SLIT3: variants seen among roughly 807,000 people sequenced by gnomAD.
SLIT3 encodes slit guidance ligand 3.
A neutral mutation model predicts 184.0 loss-of-function variants in SLIT3; 68 were observed. The observed-to-expected ratio is 0.37, with a 90% CI of 0.30 to 0.45. The LOEUF (loss-of-function observed/expected upper bound fraction) is 0.45. Among genes scored for constraint, SLIT3 ranks in the 20% least tolerant of loss-of-function variants. SLIT3 has a pLI of 1.00. For missense variants in SLIT3, 1,707 were observed against 2,026.0 expected, an observed-to-expected ratio of 0.84 and a Z score of 3.02; for synonymous variants, 831 against 828.6, an observed-to-expected ratio of 1.00 and a Z score of -0.05.
At chr5:169,196,060 AG>A (rs1469734304) in intron 3 of SLIT3, among the ~76,000 whole-genome samples, 1 of 151,850 alleles carries the variant, frequency 6.6e-6, no homozygotes, top group Non-Finnish European at 1.5e-5. Context: ...TCCTTCTCCC[AG>A]CCCCTGGCAA....
intron 4 of SLIT3, among the ~76,000 whole-genome samples, chr5:169,172,894 G>A (rs187912109): frequency 2.0e-5 from 3 of 152,288 alleles, no homozygotes; most frequent in Admixed American, 2.0e-4. Context: ...GTTTGCTGGG[G>A]AAGCTAGAGC....
chr5:168,810,366 C>T (rs1757120966), intron 8 of SLIT3, among the ~76,000 whole-genome samples: 1 of 152,220 alleles, frequency 6.6e-6, no homozygotes, highest in Admixed American at 6.5e-5. Flanking sequence ...AGCCTATGTA[C>T]TGGCAAGGAA....
intron 2 of SLIT3, among the ~76,000 whole-genome samples, chr5:169,247,421 AT>A: frequency 6.6e-6 from 1 of 152,168 alleles, no homozygotes; most frequent in South Asian, 2.1e-4. Flanking sequence ...TGTAGTCATT[AT>A]TTCCTTGCTG....
At position 168,706,149 on chromosome 5, in the gene SLIT3, C is replaced by A. The variant is rs139401754; in HGVS notation, c.2844+1827G>T. Among the ~76,000 whole-genome samples the A allele has an allele frequency of 1.4e-4, 21 of 152,284 alleles. No homozygotes were observed. The East Asian group carries it at 3.3e-3, about 24-fold the overall frequency. On this transcript the variant is annotated intron_variant, in intron 26 of 35. Coordinates refer to ENST00000519560, the MANE Select transcript of SLIT3 (RefSeq NM_003062.4). ...TGTTACTGATGGCCTATTCCACACC[C>A]AGGTATGAGGGACCACCATGCAAGG...
At chr5:169,224,241 A>G (rs1185873740) in intron 3 of SLIT3, among the ~76,000 whole-genome samples, 2 of 152,210 alleles carry the variant, frequency 1.3e-5, no homozygotes, top group African/African-American at 2.4e-5. Flanking sequence ...CAGGCATACA[A>G]TAGGATATCA....
chr5:169,271,310 C>A (rs1285750600), intron 1 of SLIT3, among the ~76,000 whole-genome samples: 1 of 152,288 alleles, frequency 6.6e-6, no homozygotes, highest in East Asian at 1.9e-4. Context: ...CCCATGCCTG[C>A]CTTTCTCCCA....
intron 4 of SLIT3, among the ~76,000 whole-genome samples, chr5:169,176,215 G>T (rs2113429812): frequency 1.3e-5 from 2 of 152,268 alleles, no homozygotes; most frequent in East Asian, 3.9e-4. Flanking sequence ...TGCAGAGAGA[G>T]GGAAGGCCTG....
chr5:168,758,269 A>C (rs1169577792), intron 16 of SLIT3, among the ~76,000 whole-genome samples: 1 of 152,206 alleles, frequency 6.6e-6, no homozygotes, highest in Admixed American at 6.5e-5. Flanking sequence ...CTCTACACTC[A>C]TGTTCCTATC....
At chr5:169,194,468 T>C (rs551461886) in intron 3 of SLIT3, among the ~76,000 whole-genome samples, 4 of 152,242 alleles carry the variant, frequency 2.6e-5, no homozygotes, top group African/African-American at 9.6e-5. Context: ...TCCTTGGCAA[T>C]TTTGCCTTTG....
At chr5:168,826,714 G>C (rs1442191618) in intron 6 of SLIT3, among the ~76,000 whole-genome samples, 1 of 152,174 alleles carries the variant, frequency 6.6e-6, no homozygotes, top group Non-Finnish European at 1.5e-5. Flanking sequence ...TTAACTGAGA[G>C]CTTATTATAT....
At chr5:169,188,706 A>C (rs297892) in intron 4 of SLIT3, among the ~76,000 whole-genome samples, 1 of 152,010 alleles carries the variant, frequency 6.6e-6, no homozygotes, top group Non-Finnish European at 1.5e-5. Flanking sequence ...GCCATCTTCC[A>C]TGGAGCATTT....
chr5:168,839,831 C>G (rs1032958314), intron 6 of SLIT3, among the ~76,000 whole-genome samples: 1 of 152,166 alleles, frequency 6.6e-6, no homozygotes, highest in African/African-American at 2.4e-5. Flanking sequence ...CCAATGCGGA[C>G]AGAAACACGG....
At chr5:169,056,812 C>A (rs992409880) in intron 4 of SLIT3, among the ~76,000 whole-genome samples, 1 of 152,124 alleles carries the variant, frequency 6.6e-6, no homozygotes, top group African/African-American at 2.4e-5. Context: ...GAAAAGAGAG[C>A]CCTAGCAGGG....
At chr5:168,991,837 C>G (rs935609288) in intron 4 of SLIT3, among the ~76,000 whole-genome samples, 1 of 152,152 alleles carries the variant, frequency 6.6e-6, no homozygotes, top group Non-Finnish European at 1.5e-5. Flanking sequence ...CTAACCCACA[C>G]ATTTCCCTCT....
At chr5:169,243,890 G>A (rs1765488259) in intron 3 of SLIT3, among the ~76,000 whole-genome samples, 1 of 152,238 alleles carries the variant, frequency 6.6e-6, no homozygotes. Context: ...GCATGACTAA[G>A]TGCTCTTGGG....
At chr5:169,094,144 T>A (rs543442896) in intron 4 of SLIT3, among the ~76,000 whole-genome samples, 1 of 152,360 alleles carries the variant, frequency 6.6e-6, no homozygotes, top group South Asian at 2.1e-4. Flanking sequence ...AGCCAGGATT[T>A]GAGTCCAGTA....
intron 4 of SLIT3, among the ~76,000 whole-genome samples, chr5:168,966,941 A>G (rs893603553): frequency 6.6e-6 from 1 of 152,172 alleles, no homozygotes; most frequent in African/African-American, 2.4e-5. Flanking sequence ...ATAACTTTTT[A>G]TTTAAGAGCT....
chr5:169,056,226 C>T (rs1664699162), intron 4 of SLIT3, among the ~76,000 whole-genome samples: 1 of 151,988 alleles, frequency 6.6e-6, no homozygotes, highest in Non-Finnish European at 1.5e-5. Flanking sequence ...GCAGTCAAAC[C>T]CTCATTTTTT....
At chr5:169,215,564 A>G (rs1278912162) in intron 3 of SLIT3, among the ~76,000 whole-genome samples, 1 of 152,172 alleles carries the variant, frequency 6.6e-6, no homozygotes, top group Non-Finnish European at 1.5e-5. Flanking sequence ...AACCATAAAC[A>G]ATACATCAAT....
Sources: allele counts gnomAD v4.1 joint callset (sites outside exome capture counted in the v4.1 genomes callset), GRCh38; gene constraint gnomAD v4.1.1; transcripts MANE v1.5; gene names NCBI Gene and HGNC (gene_info 2026-07-23, HGNC 2026-07-21).